Variants in PDE1C observed in about 807,000 individuals in gnomAD.
PDE1C encodes dual specificity calcium/calmodulin-dependent 3',5'-cyclic nucleotide phosphodiesterase 1C.
PDE1C carries 62 observed loss-of-function variants against 93.1 expected under a neutral mutation model. The observed-to-expected ratio is 0.67, with a 90% CI of 0.54 to 0.82. PDE1C has a LOEUF of 0.82. Among genes scored for constraint, PDE1C ranks in the 40% least tolerant of loss-of-function variants. The pLI is 0.00. For synonymous variants in PDE1C, 325 were observed against 310.1 expected (o/e 1.05, Z -0.50); for missense variants, 742 against 884.6 (o/e 0.84, Z 2.04).
At chr7:31,795,200 T>C (rs752557486) in intron 16 of PDE1C, among the ~76,000 whole-genome samples, 40 of 151,934 alleles carry the variant, frequency 2.6e-4, no homozygotes, top group Admixed American at 1.1e-3. Context: ...CCAATGTAGA[T>C]AGTGTTAAGT....
chr7:32,004,163 T>C lies in PDE1C; in HGVS notation c.128+47391A>G, dbSNP rs571134853. On this transcript the variant is annotated intron_variant, in intron 2 of 17. Transcript: ENST00000396191. ...CTGCATCCCAAGATCACTAGAAAGATCTTGTCAGACTTTTGGGTGCAGTTT... is the reference window on the plus strand; with the variant it reads ...CTGCATCCCAAGATCACTAGAAAGACCTTGTCAGACTTTTGGGTGCAGTTT... Among the ~76,000 whole-genome samples the C allele has an allele frequency of 4.9e-4, 75 of 152,068 alleles. 1 individual carries two copies. Among genetic ancestry groups the C allele is most frequent in the Non-Finnish European group, 8.8e-4 (60 of 68,018 alleles).
intron 1 of PDE1C, among the ~76,000 whole-genome samples, chr7:32,407,630 A>G (rs1167862666): frequency 6.6e-6 from 1 of 152,160 alleles, no homozygotes; most frequent in Non-Finnish European, 1.5e-5. Context: ...TTTTCTTAAT[A>G]ATGGGATCCT....
intron 1 of PDE1C, among the ~76,000 whole-genome samples, chr7:32,069,614 A>C (rs1459754747): frequency 6.6e-6 from 1 of 152,186 alleles, no homozygotes; most frequent in East Asian, 1.9e-4. Flanking sequence ...AGTACCCAAA[A>C]ACAGACAGAA....
At chr7:31,950,013 C>A (rs574704704) in intron 2 of PDE1C, among the ~76,000 whole-genome samples, 4 of 152,306 alleles carry the variant, frequency 2.6e-5, no homozygotes, top group African/African-American at 9.6e-5. Context: ...AATTTTTCAG[C>A]TTTCACAGAA....
intron 1 of PDE1C, among the ~76,000 whole-genome samples, chr7:32,260,760 T>A (rs1365869192): frequency 6.6e-6 from 1 of 150,384 alleles, no homozygotes; most frequent in African/African-American, 2.5e-5. Flanking sequence ...TAACAGCCCT[T>A]TCCCGAAAAG....
At chr7:32,133,012 T>A (rs183314251) in intron 3 of PDE1C, among the ~76,000 whole-genome samples, 1 of 152,202 alleles carries the variant, frequency 6.6e-6, no homozygotes, top group Admixed American at 6.5e-5. Flanking sequence ...AGGAAAAAAA[T>A]TATAAGTTCT....
At chr7:31,663,511 G>A in the PDE1C span, among the ~76,000 whole-genome samples, 1 of 152,234 alleles carries the variant, frequency 6.6e-6, no homozygotes, top group East Asian at 1.9e-4. Flanking sequence ...ATTTTATGCC[G>A]GAAAATATCG....
chr7:32,348,649 C>G (rs1352216336), intron 1 of PDE1C, among the ~76,000 whole-genome samples: 1 of 152,120 alleles, frequency 6.6e-6, no homozygotes, highest in East Asian at 1.9e-4. Context: ...AGGCATGAGC[C>G]ACCACGCCCA....
the PDE1C span, among the ~76,000 whole-genome samples, chr7:31,732,074 G>A: frequency 6.6e-6 from 1 of 152,240 alleles, no homozygotes; most frequent in Non-Finnish European, 1.5e-5. Flanking sequence ...ATTCCCGCTG[G>A]TTGTGCGGCC....
At chr7:31,841,227 C>CTCTCT (rs751320538) in intron 9 of PDE1C, among the ~76,000 whole-genome samples, 2 of 142,262 alleles carry the variant, frequency 1.4e-5, no homozygotes, top group African/African-American at 5.3e-5. Flanking sequence ...CTCTCTCTCT[C>CTCTCT]TATATATATA....
At chr7:31,651,312 C>T in the PDE1C span, 4 of 1,597,622 alleles carry the variant, frequency 2.5e-6, no homozygotes, top group South Asian at 1.1e-5. Flanking sequence ...CCAGCCCACA[C>T]ACCTGGAGCA....
chr7:32,197,201 G>A (rs940237171), intron 2 of PDE1C, among the ~76,000 whole-genome samples: 1 of 152,060 alleles, frequency 6.6e-6, no homozygotes, highest in Non-Finnish European at 1.5e-5. Flanking sequence ...ATTAAAATAT[G>A]CTAAACATTA....
intron 3 of PDE1C, among the ~76,000 whole-genome samples, chr7:32,084,948 A>C (rs375029699): frequency 1.4e-5 from 2 of 145,272 alleles, no homozygotes; most frequent in African/African-American, 5.2e-5. Context: ...AAGAACTAGA[A>C]AAGCAAGAGC....
intron 2 of PDE1C, among the ~76,000 whole-genome samples, chr7:31,886,870 G>GAATA (rs1583793506): frequency 1.3e-3 from 152 of 119,060 alleles, no homozygotes; most frequent in African/African-American, 3.5e-3. Flanking sequence ...AGATCTATTC[G>GAATA]GATCTATTCA....
chr7:31,944,485 G>C (rs1806318436), intron 2 of PDE1C, among the ~76,000 whole-genome samples: 1 of 152,270 alleles, frequency 6.6e-6, no homozygotes. Context: ...AGTGGATCTT[G>C]CACCTCACCT....
intron 15 of PDE1C, among the ~76,000 whole-genome samples, chr7:31,810,985 C>T (rs185666773): frequency 1.3e-5 from 2 of 152,216 alleles, no homozygotes; most frequent in East Asian, 3.9e-4. Flanking sequence ...TTCAGGTTCC[C>T]TCTCATTCTT....
the PDE1C span, among the ~76,000 whole-genome samples, chr7:31,633,205 T>C: frequency 6.6e-6 from 1 of 152,090 alleles, no homozygotes; most frequent in Non-Finnish European, 1.5e-5. Context: ...AGATTTACGC[T>C]GAGGAGAAAG....
At chr7:32,085,907 G>T (rs946605154) in intron 3 of PDE1C, among the ~76,000 whole-genome samples, 14 of 147,554 alleles carry the variant, frequency 9.5e-5, no homozygotes, top group African/African-American at 3.5e-4. Flanking sequence ...ATACTGAATG[G>T]GCAAAAACTG....
intron 2 of PDE1C, among the ~76,000 whole-genome samples, chr7:32,016,624 T>C (rs1272734162): frequency 6.6e-6 from 1 of 152,024 alleles, no homozygotes; most frequent in Non-Finnish European, 1.5e-5. Flanking sequence ...CCAATAACAG[T>C]GGAATGGTTA....
Sources: allele counts gnomAD v4.1 joint callset (sites outside exome capture counted in the v4.1 genomes callset), GRCh38; gene constraint gnomAD v4.1.1; transcripts MANE v1.5; gene names NCBI Gene and HGNC (gene_info 2026-07-23, HGNC 2026-07-21).